Variants in RCAN2 observed in about 807,000 individuals in gnomAD.
The protein encoded by RCAN2 is regulator of calcineurin 2, also known as calcipressin-2.
A neutral mutation model predicts 23.6 loss-of-function variants in RCAN2; 9 were observed. That is an observed-to-expected ratio of 0.38 (90% CI 0.23 to 0.67). The LOEUF is 0.67. Ranked by LOEUF, RCAN2 falls within the 30% of genes least tolerant of loss-of-function variation. The pLI, the probability that RCAN2 is intolerant of heterozygous loss-of-function variation, is 0.51. For synonymous variants in RCAN2, 109 were observed against 115.7 expected (o/e 0.94, Z 0.37); for missense variants, 273 against 302.3 (o/e 0.90, Z 0.72).
intron 4 of RCAN2, among the ~76,000 whole-genome samples, chr6:46,224,722 T>C (rs1765590358): frequency 6.6e-6 from 1 of 152,168 alleles, no homozygotes; most frequent in South Asian, 2.1e-4. Context: ...AGGGCACTAA[T>C]TATGTGCTAC....
intron 2 of RCAN2, among the ~76,000 whole-genome samples, chr6:46,376,325 T>C (rs1368685844): frequency 3.9e-5 from 6 of 152,166 alleles, no homozygotes; most frequent in African/African-American, 1.4e-4. Context: ...AGAGTGTTGA[T>C]AACAAAATCA....
At chr6:46,299,730 A>C (rs1762841747) in intron 2 of RCAN2, among the ~76,000 whole-genome samples, 1 of 152,068 alleles carries the variant, frequency 6.6e-6, no homozygotes, top group Admixed American at 6.6e-5. Context: ...GATGAAGATA[A>C]GTGAATACAA....
intron 2 of RCAN2, among the ~76,000 whole-genome samples, chr6:46,407,299 C>A (rs1393453569): frequency 6.6e-6 from 1 of 152,192 alleles, no homozygotes; most frequent in African/African-American, 2.4e-5. Flanking sequence ...CAATCAAGAG[C>A]AGTATATACT....
chr6:46,475,740 A>G (rs1032400560), intron 1 of RCAN2, among the ~76,000 whole-genome samples: 1 of 152,144 alleles, frequency 6.6e-6, no homozygotes, highest in Non-Finnish European at 1.5e-5. Context: ...ACTCGACTCT[A>G]TGATCTAATA....
At chr6:46,282,118 G>T (rs1762202236) in intron 2 of RCAN2, among the ~76,000 whole-genome samples, 1 of 152,178 alleles carries the variant, frequency 6.6e-6, no homozygotes, top group Non-Finnish European at 1.5e-5. Context: ...AGAGAAAGTT[G>T]AATGACACAT....
intron 2 of RCAN2, among the ~76,000 whole-genome samples, chr6:46,288,491 A>G (rs1292311800): frequency 1.3e-5 from 2 of 152,228 alleles, no homozygotes; most frequent in African/African-American, 2.4e-5. Flanking sequence ...CCCTCTGAGG[A>G]TTCTAATAGA....
chr6:46,369,859 T>C (rs1003458469), intron 2 of RCAN2, among the ~76,000 whole-genome samples: 1 of 152,172 alleles, frequency 6.6e-6, no homozygotes, highest in African/African-American at 2.4e-5. Context: ...TCCAATGGCC[T>C]TTCCCTTCAC....
At position 46,456,734 on chromosome 6, in the gene RCAN2, C is replaced by G; in HGVS notation, c.225+18G>C. The G allele has an allele frequency of 9.3e-6, 14 of 1,511,310 alleles. No individual in the cohort carries two copies. Among genetic ancestry groups the G allele is most frequent in the Admixed American group, 2.0e-5 (1 of 50,910 alleles). The allele number at this position is 1,511,310 out of a possible 1,614,324, so 93.6% of individuals were successfully genotyped here. On this transcript the variant is annotated intron_variant, in intron 2 of 4. Transcript: ENST00000371374. ...GCCATATCTCCCCATGTTTTAGGAA[C>G]AGAAAAAGGCAGCTTACCTTGCTCT...
intron 2 of RCAN2, among the ~76,000 whole-genome samples, chr6:46,282,535 T>G (rs1192333947): frequency 2.0e-5 from 3 of 151,100 alleles, no homozygotes; most frequent in Non-Finnish European, 4.4e-5. Context: ...GAGAAAATGA[T>G]GCTGTCTTAA....
chr6:46,394,288 C>A (rs1439369766), intron 2 of RCAN2, among the ~76,000 whole-genome samples: 1 of 152,186 alleles, frequency 6.6e-6, no homozygotes, highest in African/African-American at 2.4e-5. Context: ...GCTTGAAATA[C>A]AAAGGTCTTA....
At chr6:46,271,662 G>T (rs1057472746) in intron 2 of RCAN2, among the ~76,000 whole-genome samples, 4 of 152,136 alleles carry the variant, frequency 2.6e-5, no homozygotes, top group African/African-American at 9.7e-5. Flanking sequence ...TAGATAACAG[G>T]ATACTTGCAA....
chr6:46,276,526 C>T (rs1435945807), intron 2 of RCAN2, among the ~76,000 whole-genome samples: 2 of 152,208 alleles, frequency 1.3e-5, no homozygotes, highest in Non-Finnish European at 2.9e-5. Flanking sequence ...CTGGCCAAAA[C>T]ATAAAGAACG....
intron 2 of RCAN2, among the ~76,000 whole-genome samples, chr6:46,383,181 G>A (rs1765656500): frequency 1.3e-5 from 2 of 151,148 alleles, no homozygotes; most frequent in South Asian, 4.2e-4. Flanking sequence ...GTGTGTGTGT[G>A]TGTGTGTGTG....
intron 2 of RCAN2, among the ~76,000 whole-genome samples, chr6:46,283,902 G>T (rs1762285204): frequency 6.6e-6 from 1 of 152,194 alleles, no homozygotes; most frequent in African/African-American, 2.4e-5. Context: ...ACTGAGCAAA[G>T]TCCTACTGTG....
intron 1 of RCAN2, among the ~76,000 whole-genome samples, chr6:46,484,120 A>T (rs1468761862): frequency 6.6e-6 from 1 of 152,228 alleles, no homozygotes; most frequent in Non-Finnish European, 1.5e-5. Flanking sequence ...TAATCAATTA[A>T]ATTAATCTAG....
intron 4 of RCAN2, among the ~76,000 whole-genome samples, chr6:46,238,716 T>A (rs1300373500): frequency 6.6e-6 from 1 of 152,036 alleles, no homozygotes; most frequent in African/African-American, 2.4e-5. Context: ...ACCCAGATAA[T>A]CTTATTTTTT....
intron 2 of RCAN2, among the ~76,000 whole-genome samples, chr6:46,374,534 T>C (rs1284030470): frequency 6.6e-6 from 1 of 152,228 alleles, no homozygotes; most frequent in African/African-American, 2.4e-5. Context: ...ATGGTTAAAA[T>C]ATGAGGCTGA....
intron 2 of RCAN2, among the ~76,000 whole-genome samples, chr6:46,290,261 T>C (rs535987281): frequency 1.3e-5 from 2 of 152,258 alleles, no homozygotes; most frequent in South Asian, 2.1e-4. Context: ...AGGAAAAACA[T>C]AGAAAATCAT....
intron 2 of RCAN2, among the ~76,000 whole-genome samples, chr6:46,448,471 T>C (rs921774537): frequency 2.6e-5 from 4 of 151,800 alleles, no homozygotes; most frequent in South Asian, 2.1e-4. Context: ...CTTCCAACTG[T>C]ATTTTACAAA....
Sources: gnomAD v4.1 joint callset for allele counts (sites outside exome capture counted in the v4.1 genomes callset) on GRCh38, gnomAD v4.1.1 for gene constraint, MANE v1.5 for transcripts, NCBI Gene and HGNC (gene_info 2026-07-23, HGNC 2026-07-21) for gene names.